Variants in ATF7 observed in about 807,000 individuals in gnomAD.
ATF7 encodes the protein activating transcription factor 7.
Under a neutral mutation model 50.4 loss-of-function variants are expected in ATF7, and 10 were observed. The observed-to-expected ratio is 0.20, with a 90% CI of 0.12 to 0.34. The LOEUF is 0.34. ATF7 is among the 10% of genes least tolerant of loss of function. The pLI is 1.00. For missense variants in ATF7, 465 were observed against 613.9 expected, an observed-to-expected ratio of 0.76 and a Z score of 2.56; for synonymous variants, 201 against 226.4, an observed-to-expected ratio of 0.89 and a Z score of 1.01.
rs1415469320 is a variant in ATF7 at position 53,544,850 on chromosome 12, A to C, written c.146-1402T>G. On this transcript the variant is annotated intron_variant, in intron 3 of 11. Coordinates refer to ENST00000420353, the MANE Select transcript of ATF7 (RefSeq NM_006856.3). ...GGAAACAGCACAATTTTTATAAAAA[A>C]ATTTAAACAAAACCTCTTCTGAATC... is the stretch of plus-strand genomic sequence containing the variant. 3.9e-5 allele frequency among the ~76,000 whole-genome samples: 6 copies of C among 152,208 alleles called. No individual in the cohort carries two copies. In the East Asian group the frequency reaches 5.8e-4, roughly 15 times the overall value.
At chr12:53,604,786 T>C (rs1781577479) in intron 1 of ATF7, among the ~76,000 whole-genome samples, 1 of 152,188 alleles carries the variant, frequency 6.6e-6, no homozygotes, top group South Asian at 2.1e-4. Flanking sequence ...ATCTAGAAGA[T>C]GTTAAGATTA....
intron 2 of ATF7, among the ~76,000 whole-genome samples, chr12:53,566,940 G>C (rs1392305073): frequency 1.3e-5 from 2 of 152,144 alleles, no homozygotes; most frequent in Non-Finnish European, 2.9e-5. Context: ...TTTTAGTACA[G>C]ATGGGGTTTC....
chr12:53,589,847 T>C (rs1942869192), intron 2 of ATF7, among the ~76,000 whole-genome samples: 1 of 152,208 alleles, frequency 6.6e-6, no homozygotes, highest in South Asian at 2.1e-4. Flanking sequence ...GAAGAAATGG[T>C]TCTTTCTTTC....
intron 1 of ATF7, among the ~76,000 whole-genome samples, chr12:53,604,357 T>A (rs1040016371): frequency 6.6e-6 from 1 of 152,176 alleles, no homozygotes; most frequent in African/African-American, 2.4e-5. Context: ...ATTTAGAGAA[T>A]GATTTTTAAT....
intron 2 of ATF7, among the ~76,000 whole-genome samples, chr12:53,565,302 GT>G (rs200350633): frequency 0.044 from 6,393 of 146,794 alleles, 373 homozygotes; most frequent in African/African-American, 0.13. Context: ...AAAAAGATTA[GT>G]TTTTTTTTTT....
chr12:53,578,007 A>C (rs1318855107), intron 2 of ATF7, among the ~76,000 whole-genome samples: 1 of 152,184 alleles, frequency 6.6e-6, no homozygotes, highest in Non-Finnish European at 1.5e-5. Context: ...AATTACATCT[A>C]ACCTCTCAGA....
intron 1 of ATF7, among the ~76,000 whole-genome samples, chr12:53,623,889 A>G (rs1430351212): frequency 6.6e-6 from 1 of 152,238 alleles, no homozygotes; most frequent in Non-Finnish European, 1.5e-5. Flanking sequence ...AAGATACAGT[A>G]AGTAGAGCTA....
chr12:53,527,249 CGAGGTT>C (rs1338090731), intron 9 of ATF7, among the ~76,000 whole-genome samples: 1 of 151,986 alleles, frequency 6.6e-6, no homozygotes, highest in Non-Finnish European at 1.5e-5. Flanking sequence ...TTTGGGAGGC[CGAGGTT>C]GGGAGGATCA....
intron 9 of ATF7, among the ~76,000 whole-genome samples, chr12:53,531,513 G>C (rs1473142931): frequency 6.6e-6 from 1 of 151,530 alleles, no homozygotes; most frequent in Non-Finnish European, 1.5e-5. Flanking sequence ...GGTGAATAAA[G>C]AATGGTGTGT....
At chr12:53,587,475 A>ACCAG (rs1424651935) in intron 2 of ATF7, among the ~76,000 whole-genome samples, 1 of 151,366 alleles carries the variant, frequency 6.6e-6, no homozygotes, top group Non-Finnish European at 1.5e-5. Context: ...GGTGTTCAAG[A>ACCAG]CCAGCTTGGC....
chr12:53,582,515 C>A (rs547997932), intron 2 of ATF7, among the ~76,000 whole-genome samples: 3 of 151,996 alleles, frequency 2.0e-5, no homozygotes, highest in African/African-American at 7.2e-5. Flanking sequence ...TACTAGAAAG[C>A]TACAGTAGCA....
chr12:53,542,527 A>G (rs1939638534), intron 4 of ATF7, among the ~76,000 whole-genome samples: 1 of 152,122 alleles, frequency 6.6e-6, no homozygotes, highest in Admixed American at 6.5e-5. Flanking sequence ...CCTGGGTTCA[A>G]GCAATCTTCC....
intron 11 of ATF7, among the ~76,000 whole-genome samples, chr12:53,518,841 C>T (rs2460884): frequency 6.6e-6 from 1 of 150,754 alleles, no homozygotes; most frequent in Non-Finnish European, 1.5e-5. Flanking sequence ...GTCAGGAGAT[C>T]GAGACTACCC....
At chr12:53,552,406 T>C (rs1940428413) in intron 3 of ATF7, 135 bp downstream of exon 3, 1 of 641,360 alleles carries the variant, frequency 1.6e-6, no homozygotes, top group Non-Finnish European at 2.7e-6. Context: ...GTGTTCCTTT[T>C]TCCTGATTAA....
intron 2 of ATF7, among the ~76,000 whole-genome samples, chr12:53,554,127 TTTTA>T (rs58103360): frequency 0.48 from 72,140 of 150,974 alleles, 17,340 homozygotes; most frequent in East Asian, 0.73. Flanking sequence ...AATGTTTTAT[TTTTA>T]TTTATTTATT....
At chr12:53,550,399 A>G (rs1187023172) in intron 3 of ATF7, among the ~76,000 whole-genome samples, 1 of 150,840 alleles carries the variant, frequency 6.6e-6, no homozygotes, top group South Asian at 2.1e-4. Flanking sequence ...AGAAAACAGG[A>G]AAATAATGAT....
At chr12:53,590,922 C>T (rs1942911858) in intron 2 of ATF7, among the ~76,000 whole-genome samples, 2 of 152,142 alleles carry the variant, frequency 1.3e-5, no homozygotes, top group African/African-American at 4.8e-5. Flanking sequence ...GGCAGTGAGA[C>T]TATTCCATAT....
At chr12:53,605,337 T>C (rs7312372) in intron 1 of ATF7, among the ~76,000 whole-genome samples, 75,548 of 145,522 alleles carry the variant, frequency 0.52, 19,707 homozygotes, top group East Asian at 0.95. Flanking sequence ...TGCAGTGAGC[T>C]GAGATTGCGC....
intron 9 of ATF7, among the ~76,000 whole-genome samples, chr12:53,527,872 T>G (rs1938569887): frequency 6.6e-6 from 1 of 151,974 alleles, no homozygotes; most frequent in Admixed American, 6.6e-5. Context: ...GATGGAGTCT[T>G]GCTGTGTCAC....
Sources: allele counts gnomAD v4.1 joint callset (sites outside exome capture counted in the v4.1 genomes callset), GRCh38; gene constraint gnomAD v4.1.1; transcripts MANE v1.5; gene names NCBI Gene and HGNC (gene_info 2026-07-23, HGNC 2026-07-21).